Variants in WWOX observed in about 807,000 individuals in gnomAD.
WWOX encodes WW domain containing oxidoreductase, also known as WW domain-containing oxidoreductase.
A neutral mutation model predicts 46.2 loss-of-function variants in WWOX; 69 were observed. That is an observed-to-expected ratio of 1.49 (90% CI 1.23 to 1.82). WWOX has a LOEUF of 1.82. Ranked by LOEUF, WWOX falls within the 40% of genes most tolerant of loss-of-function variation. The pLI is 0.00. For synonymous variants in WWOX, 359 were observed against 202.6 expected, an observed-to-expected ratio of 1.77 and a Z score of -6.56; for missense variants, 919 against 542.6, an observed-to-expected ratio of 1.69 and a Z score of -6.89.
chr16:78,170,061 G>A (rs1305629286), intron 5 of WWOX, among the ~76,000 whole-genome samples: 1 of 152,142 alleles, frequency 6.6e-6, no homozygotes, highest in Admixed American at 6.5e-5. Context: ...ACTCACCCCT[G>A]ACTTCCCAGA....
At chr16:78,941,625 G>C (rs114250327) in intron 8 of WWOX, among the ~76,000 whole-genome samples, 1,590 of 152,202 alleles carry the variant, frequency 0.01, 29 homozygotes, top group African/African-American at 0.036. Flanking sequence ...TCATAGGAGA[G>C]TGCTCAGAAA....
At chr16:78,402,964 G>GCCCAGAAAGT (rs2082447734) in intron 6 of WWOX, among the ~76,000 whole-genome samples, 1 of 152,080 alleles carries the variant, frequency 6.6e-6, no homozygotes, top group Admixed American at 6.5e-5. Context: ...TATTCCCAGG[G>GCCCAGAAAGT]CCCAGAAAGT....
intron 8 of WWOX, among the ~76,000 whole-genome samples, chr16:78,771,867 C>G (rs1037880543): frequency 1.9e-4 from 29 of 150,296 alleles, no homozygotes; most frequent in African/African-American, 6.8e-4. Flanking sequence ...AGCTCTCTCA[C>G]AAAAAAAAAG....
chr16:78,393,396 G>A (rs758601394), intron 6 of WWOX, among the ~76,000 whole-genome samples: 1 of 152,178 alleles, frequency 6.6e-6, no homozygotes, highest in African/African-American at 2.4e-5. Context: ...AATGGTTCAT[G>A]CCTATAATCC....
rs974156623 is a variant in WWOX at position 78,830,530 on chromosome 16, C to G, written c.1057-381078C>G. Among the ~76,000 whole-genome samples the G allele has an allele frequency of 1.1e-4, 16 of 152,026 alleles. 1 individual carries two copies. Among genetic ancestry groups the G allele is most frequent in the African/African-American group, 3.9e-4 (16 of 41,394 alleles). ...ACAAATTACCCATTACCAGGGAAGC[C>G]TCCTTCCTCCCAGCAGATTCCCAGC... On this transcript the variant is annotated intron_variant, in intron 8 of 8. Transcript: ENST00000566780.
At chr16:78,483,682 CAAT>C (rs2084554858) in intron 8 of WWOX, among the ~76,000 whole-genome samples, 1 of 152,096 alleles carries the variant, frequency 6.6e-6, no homozygotes, top group Admixed American at 6.6e-5. Context: ...GTTACTTACT[CAAT>C]AATGTGTGGC....
intron 5 of WWOX, among the ~76,000 whole-genome samples, chr16:78,248,812 C>T (rs1331369206): frequency 6.6e-6 from 1 of 150,936 alleles, no homozygotes; most frequent in African/African-American, 2.4e-5. Flanking sequence ...AATTAAATGA[C>T]ATCATTCAGT....
chr16:78,652,109 G>A (rs1330365612), intron 8 of WWOX, among the ~76,000 whole-genome samples: 2 of 152,022 alleles, frequency 1.3e-5, no homozygotes, highest in Non-Finnish European at 2.9e-5. Context: ...CAGGGCTCCT[G>A]GTCACTTAAA....
chr16:78,800,776 G>C (rs975738796), intron 8 of WWOX, among the ~76,000 whole-genome samples: 1 of 152,160 alleles, frequency 6.6e-6, no homozygotes, highest in Non-Finnish European at 1.5e-5. Context: ...GTCTGGGTCT[G>C]TGTCAGGCAT....
chr16:78,151,185 G>A (rs2034394152), intron 4 of WWOX, among the ~76,000 whole-genome samples: 1 of 151,920 alleles, frequency 6.6e-6, no homozygotes, highest in South Asian at 2.1e-4. Context: ...CCAATTTCAA[G>A]GATTTTAGGA....
At chr16:78,214,004 A>C (rs2036640181) in intron 5 of WWOX, among the ~76,000 whole-genome samples, 1 of 151,990 alleles carries the variant, frequency 6.6e-6, no homozygotes, top group Non-Finnish European at 1.5e-5. Flanking sequence ...GAGAGGTGTA[A>C]CCTGTGTTCC....
In WWOX at chr16:78,734,717, C is replaced by T. The variant is rs148920147; in HGVS notation, c.1056+301965C>T. ...AACATTTAAATCAGTCACCTGATTA[C>T]AGCAGATTGTTCTCAAGTGCCTGAG... On this transcript the variant is annotated intron_variant, in intron 8 of 8. Coordinates refer to ENST00000566780, the MANE Select transcript of WWOX (RefSeq NM_016373.4). Among the ~76,000 whole-genome samples the T allele has an allele frequency of 3.3e-5, 5 of 152,040 alleles. No individual in the cohort carries two copies. The East Asian group carries it at 5.8e-4, about 18-fold the overall frequency.
intron 8 of WWOX, among the ~76,000 whole-genome samples, chr16:79,209,729 C>T (rs1038371686): frequency 6.6e-6 from 1 of 152,346 alleles, no homozygotes; most frequent in Non-Finnish European, 1.5e-5. Flanking sequence ...GGATGAGCAT[C>T]TCAATTCTCC....
chr16:79,094,982 A>G (rs1382032252), intron 8 of WWOX, among the ~76,000 whole-genome samples: 2 of 152,136 alleles, frequency 1.3e-5, no homozygotes, highest in African/African-American at 2.4e-5. Context: ...TCGGGCACAC[A>G]GGAGGGGCGA....
intron 6 of WWOX, among the ~76,000 whole-genome samples, chr16:78,388,331 G>A (rs748088309): frequency 1.3e-5 from 2 of 152,104 alleles, no homozygotes; most frequent in Non-Finnish European, 2.9e-5. Context: ...GCGCCCAGCC[G>A]CTCTACTTTA....
At chr16:78,231,296 A>G (rs1337779064) in intron 5 of WWOX, among the ~76,000 whole-genome samples, 1 of 152,208 alleles carries the variant, frequency 6.6e-6, no homozygotes, top group African/African-American at 2.4e-5. Flanking sequence ...TGGCTTCGGC[A>G]TTTTCACAGT....
chr16:78,361,103 A>G (rs534850196), intron 5 of WWOX, among the ~76,000 whole-genome samples: 21 of 152,200 alleles, frequency 1.4e-4, no homozygotes, highest in African/African-American at 4.1e-4. Context: ...GATTACAGGC[A>G]TGAGCCACTG....
At chr16:78,486,214 G>C (rs1039764589) in intron 8 of WWOX, among the ~76,000 whole-genome samples, 1 of 152,114 alleles carries the variant, frequency 6.6e-6, no homozygotes, top group Non-Finnish European at 1.5e-5. Flanking sequence ...TCACACCTTG[G>C]CTGATTTCAA....
At chr16:78,167,110 T>C (rs1386164074) in intron 5 of WWOX, 1 of 152,248 alleles carries the variant, frequency 6.6e-6, no homozygotes, top group East Asian at 1.9e-4. Flanking sequence ...GTAGCACAAC[T>C]GTTTTTGCAT....
Sources: gnomAD v4.1 joint callset for allele counts (sites outside exome capture counted in the v4.1 genomes callset) on GRCh38, gnomAD v4.1.1 for gene constraint, MANE v1.5 for transcripts, NCBI Gene and HGNC (gene_info 2026-07-23, HGNC 2026-07-21) for gene names.